RAPGEF4: variants seen among roughly 807,000 people sequenced by gnomAD.
RAPGEF4 encodes RAP guanine-nucleotide-exchange factor (GEF) 4.
In RAPGEF4, 66 loss-of-function variants were observed where a neutral mutation model predicts 147.9. That is an observed-to-expected ratio of 0.45 (90% CI 0.37 to 0.55). The LOEUF (loss-of-function observed/expected upper bound fraction) is 0.55, where lower values mean the gene tolerates loss of function less well. Ranked by LOEUF, RAPGEF4 falls within the 20% of genes least tolerant of loss-of-function variation. The pLI is 0.00. For synonymous variants in RAPGEF4, 419 were observed against 442.7 expected, an observed-to-expected ratio of 0.95 and a Z score of 0.67; for missense variants, 1,071 against 1,257.3, an observed-to-expected ratio of 0.85 and a Z score of 2.24.
At chr2:172,831,172 C>T (rs1690265830) in intron 4 of RAPGEF4, among the ~76,000 whole-genome samples, 1 of 151,616 alleles carries the variant, frequency 6.6e-6, no homozygotes, top group Admixed American at 6.6e-5. Context: ...TTGATTATTT[C>T]ACTAAACTCC....
At chr2:172,989,492 T>C (rs1692612716) in intron 14 of RAPGEF4, among the ~76,000 whole-genome samples, 1 of 152,198 alleles carries the variant, frequency 6.6e-6, no homozygotes, top group African/African-American at 2.4e-5. Flanking sequence ...CACTTAAAAG[T>C]TGGCTCTGCA....
chr2:172,883,979 G>GC (rs1696905692), intron 4 of RAPGEF4, among the ~76,000 whole-genome samples: 1 of 152,210 alleles, frequency 6.6e-6, no homozygotes, highest in Non-Finnish European at 1.5e-5. Flanking sequence ...GAAATAATTG[G>GC]CCTCATGGAG....
intron 21 of RAPGEF4, 149 bp from the exon 22 acceptor site, chr2:173,018,507 G>C (rs182380414): frequency 1.3e-6 from 1 of 765,474 alleles, no homozygotes; most frequent in Non-Finnish European, 2.0e-6. Flanking sequence ...AGAAGGGGCA[G>C]GAATAGGGGT....
At chr2:173,011,168 G>GCGCGCA (rs1553548157) in intron 17 of RAPGEF4, among the ~76,000 whole-genome samples, 28 of 59,882 alleles carry the variant, frequency 4.7e-4, no homozygotes, top group African/African-American at 1.4e-3. Context: ...CAGCGCGCGC[G>GCGCGCA]CGCACACACA....
At chr2:173,025,280 G>A (rs894551231) in intron 23 of RAPGEF4, among the ~76,000 whole-genome samples, 3 of 152,124 alleles carry the variant, frequency 2.0e-5, no homozygotes, top group Non-Finnish European at 4.4e-5. Flanking sequence ...TGCAAGCACC[G>A]TCTACCTGCA....
chr2:173,033,409 A>G (rs929072113), intron 26 of RAPGEF4, among the ~76,000 whole-genome samples: 7 of 152,314 alleles, frequency 4.6e-5, no homozygotes, highest in African/African-American at 1.7e-4. Context: ...TGTACCCAGT[A>G]CTTTTTTAGG....
At chr2:172,959,331 C>T (rs188340430) in intron 6 of RAPGEF4, among the ~76,000 whole-genome samples, 158 of 152,328 alleles carry the variant, frequency 1.0e-3, no homozygotes, top group Non-Finnish European at 9.8e-4. Flanking sequence ...CTTTAATCTT[C>T]AAAGCCAGTT....
At chr2:172,935,660 G>A (rs1440200830) in intron 6 of RAPGEF4, among the ~76,000 whole-genome samples, 1 of 152,292 alleles carries the variant, frequency 6.6e-6, no homozygotes, top group Admixed American at 6.5e-5. Flanking sequence ...ATCACATTTT[G>A]CAGTAGCTGT....
chr2:172,789,370 A>G (rs1411721944), intron 1 of RAPGEF4, among the ~76,000 whole-genome samples: 3 of 152,238 alleles, frequency 2.0e-5, no homozygotes, highest in Non-Finnish European at 2.9e-5. Flanking sequence ...AAAGGATTAT[A>G]CAAGGTGTGG....
chr2:173,031,560 C>G (rs931936639), intron 26 of RAPGEF4, among the ~76,000 whole-genome samples: 1 of 152,126 alleles, frequency 6.6e-6, no homozygotes, highest in Non-Finnish European at 1.5e-5. Context: ...CTCAAAGGGT[C>G]CAAGGAGGCC....
chr2:173,028,117 A>G (rs957163913), intron 25 of RAPGEF4, among the ~76,000 whole-genome samples: 1 of 152,214 alleles, frequency 6.6e-6, no homozygotes, highest in Admixed American at 6.5e-5. Flanking sequence ...CATTTTATAG[A>G]TATCAGTTTG....
intron 29 of RAPGEF4, 86 bp from the exon 30 acceptor site, chr2:173,048,514 A>G (rs1685779753): frequency 6.3e-7 from 1 of 1,577,794 alleles, no homozygotes. Flanking sequence ...GGTACCAAGT[A>G]TTGCAGAAAT....
chr2:172,969,801 T>C (rs1310915902), intron 10 of RAPGEF4, among the ~76,000 whole-genome samples: 1 of 152,184 alleles, frequency 6.6e-6, no homozygotes. Context: ...TTTTCATGAG[T>C]CACCTTGGGA....
At chr2:172,791,941 G>A (rs1685870344) in intron 1 of RAPGEF4, among the ~76,000 whole-genome samples, 1 of 152,196 alleles carries the variant, frequency 6.6e-6, no homozygotes, top group Non-Finnish European at 1.5e-5. Context: ...TTCTTTCTTT[G>A]TGGAAGATGG....
rs1261536051 is a variant in RAPGEF4 at position 172,978,469 on chromosome 2, C to T, written c.1005-5027C>T. ...GTTCTGCTTCTCCCAGGCTCCAGTG[C>T]TCACCCTCAGTCCTCCTGGGGCGTC... On this transcript the variant is annotated intron_variant, in intron 10 of 30. Coordinates refer to ENST00000397081, the MANE Select transcript of RAPGEF4 (RefSeq NM_007023.4). Among the ~76,000 whole-genome samples, 3 of 152,346 alleles carry T rather than the reference C, an allele frequency of 2.0e-5. No homozygotes were observed. The East Asian group carries it at 5.8e-4, about 29-fold the overall frequency.
intron 17 of RAPGEF4, among the ~76,000 whole-genome samples, chr2:173,006,058 A>G (rs746427875): frequency 3.9e-5 from 6 of 152,228 alleles, no homozygotes; most frequent in East Asian, 3.9e-4. Context: ...GACTGGGCCA[A>G]TGGAATTCAA....
chr2:172,743,863 C>T (rs534847871), intron 1 of RAPGEF4, among the ~76,000 whole-genome samples: 7 of 152,198 alleles, frequency 4.6e-5, no homozygotes, highest in Admixed American at 1.3e-4. Context: ...CCAGTTCTGA[C>T]TTTGTCCACC....
rs761692592 is a variant in RAPGEF4, at chr2:172,814,414, G to A, written c.433G>A (p.Ala145Thr). ...CCGCATCGAGCAGAAGGACTTCAAGGCACTATGGGAGGTGAGCCCTAAGGC... is the reference window on the plus strand; with the variant it reads ...CCGCATCGAGCAGAAGGACTTCAAGACACTATGGGAGGTGAGCCCTAAGGC... ...LLRIEQKDFK[A>T]LWEKYRQYMA... Residue 145 changes from alanine to threonine, a missense_variant, in exon 4 of 31, where the codon GCA becomes ACA. Coordinates refer to ENST00000397081, the MANE Select transcript of RAPGEF4 (RefSeq NM_007023.4). The A allele has an allele frequency of 6.2e-7, 1 of 1,614,128 alleles. No homozygotes were observed.
At chr2:172,917,404 C>T in intron 4 of RAPGEF4, 1 of 490,486 alleles carries the variant, frequency 2.0e-6, no homozygotes, top group Middle Eastern at 3.4e-4. Flanking sequence ...CAGTGCCATT[C>T]ACCTATTAAG....
Sources: allele counts gnomAD v4.1 joint callset (sites outside exome capture counted in the v4.1 genomes callset), GRCh38; gene constraint gnomAD v4.1.1; transcripts MANE v1.5; gene names NCBI Gene and HGNC (gene_info 2026-07-23, HGNC 2026-07-21).